The following LY86 variants were observed in gnomAD, a reference collection of about 807,000 sequenced individuals.
The protein encoded by LY86 is MD-1, RP105-associated.
LY86 carries 20 observed loss-of-function variants against 17.3 expected under a neutral mutation model. That is an observed-to-expected ratio of 1.15 (90% CI 0.81 to 1.68). The LOEUF (loss-of-function observed/expected upper bound fraction) is 1.68, where lower values mean the gene tolerates loss of function less well. Among genes scored for constraint, LY86 ranks in the 40% most tolerant of loss-of-function variants. LY86 has a pLI of 0.00. For missense variants in LY86, 200 were observed against 191.9 expected (o/e 1.04, Z -0.25); for synonymous variants, 74 against 70.6 (o/e 1.05, Z -0.24).
Position 6,626,535 on chromosome 6 carries a change from G to A in LY86, c.352+114G>A, listed in dbSNP as rs1383414265. ...GCTCTGTCTCTGCCCCTCGCCTTTG[G>A]ACGAGCTTATCCTCACTTATCAGCA... On this transcript the variant is annotated intron_variant, in intron 3 of 4. Coordinates refer to ENST00000230568, the MANE Select transcript of LY86 (RefSeq NM_004271.4). The A allele has an allele frequency of 1.6e-5, 19 of 1,200,604 alleles. No individual in the cohort carries two copies. In the East Asian group the frequency reaches 4.2e-4, roughly 27 times the overall value. 74.4% of individuals were successfully genotyped at this position (1,200,604 alleles called of 1,614,324 possible). A position where few individuals can be genotyped will look rare whatever the true frequency, so the allele number is the denominator to read the frequency against.
chr6:6,595,156 G>T (rs1457580486), intron 1 of LY86, among the ~76,000 whole-genome samples: 1 of 145,128 alleles, frequency 6.9e-6, no homozygotes, highest in South Asian at 2.1e-4. Flanking sequence ...GAGAGGAGGA[G>T]AGAAAAGAGC....
intron 1 of LY86, among the ~76,000 whole-genome samples, chr6:6,606,755 C>G (rs931776434): frequency 2.4e-4 from 37 of 152,348 alleles, no homozygotes; most frequent in African/African-American, 8.4e-4. Context: ...ACCCGGAACT[C>G]GCGCTGGCCC....
At position 6,626,433 on chromosome 6, in the gene LY86, G is replaced by A. The variant is rs754525851; in HGVS notation, c.352+12G>A. 7 of 1,613,040 alleles carry A rather than the reference G, an allele frequency of 4.3e-6. No homozygotes were observed. The highest frequency in any genetic ancestry group is 2.7e-5 in the African/African-American group (2 of 74,922). ...AAGAAGGAAAGGAGGTAAGCCATCT[G>A]TCTTGCTCACTGCTGGCAGGGGCCT... On this transcript the variant is annotated intron_variant, in intron 3 of 4. Coordinates refer to ENST00000230568, the MANE Select transcript of LY86 (RefSeq NM_004271.4).
chr6:6,649,237 A>G (rs1433851549), intron 3 of LY86, among the ~76,000 whole-genome samples: 1 of 152,252 alleles, frequency 6.6e-6, no homozygotes, highest in Non-Finnish European at 1.5e-5. Flanking sequence ...CATCACAGGT[A>G]AAATCCACCC....
At chr6:6,639,853 CAT>C (rs1261525617) in intron 3 of LY86, among the ~76,000 whole-genome samples, 1 of 152,166 alleles carries the variant, frequency 6.6e-6, no homozygotes, top group Non-Finnish European at 1.5e-5. Flanking sequence ...GGAAAACCAG[CAT>C]GCCTTGCTGA....
intron 1 of LY86, among the ~76,000 whole-genome samples, chr6:6,613,177 C>T (rs376711799): frequency 4.6e-5 from 7 of 152,232 alleles, no homozygotes; most frequent in Non-Finnish European, 7.3e-5. Context: ...AAAGATTCTC[C>T]AAGTTCCCAC....
chr6:6,613,551 C>T (rs1164752363), intron 1 of LY86, among the ~76,000 whole-genome samples: 3 of 152,098 alleles, frequency 2.0e-5, no homozygotes, highest in Non-Finnish European at 4.4e-5. Flanking sequence ...GTGCGGGGCC[C>T]GCCGATCCCA....
intron 1 of LY86, among the ~76,000 whole-genome samples, chr6:6,603,401 T>C (rs1760975830): frequency 1.3e-5 from 2 of 151,850 alleles, no homozygotes; most frequent in South Asian, 4.2e-4. Flanking sequence ...GGAAACTGTA[T>C]GGGCAGTCTT....
chr6:6,628,263 C>T (rs1017419217), intron 3 of LY86, among the ~76,000 whole-genome samples: 3 of 140,716 alleles, frequency 2.1e-5, no homozygotes, highest in Non-Finnish European at 4.6e-5. Context: ...TCCCTCCCTC[C>T]CCTTCCTCCT....
At chr6:6,600,266 C>T (rs1581231905) in intron 1 of LY86, among the ~76,000 whole-genome samples, 1 of 152,246 alleles carries the variant, frequency 6.6e-6, no homozygotes, top group East Asian at 1.9e-4. Context: ...TTAGTAAACA[C>T]ATAACCATGA....
intron 1 of LY86, among the ~76,000 whole-genome samples, chr6:6,603,436 C>G (rs1760976993): frequency 6.6e-6 from 1 of 151,434 alleles, no homozygotes; most frequent in Admixed American, 6.6e-5. Context: ...AAACTTCTGT[C>G]ATAAAAAAAC....
chr6:6,600,587 C>CAAAAAAAAAAAAAAAAAAAAAAAAAA (rs59560744), intron 1 of LY86, among the ~76,000 whole-genome samples: 2 of 82,450 alleles, frequency 2.4e-5, no homozygotes, highest in Non-Finnish European at 4.5e-5. Flanking sequence ...GAGACTCCAT[C>CAAAAAAAAAAAAAAAAAAAAAAAAAA]AAAAAAAAAA....
At chr6:6,647,275 C>A (rs955046135) in intron 3 of LY86, among the ~76,000 whole-genome samples, 3 of 152,068 alleles carry the variant, frequency 2.0e-5, no homozygotes, top group Admixed American at 6.6e-5. Flanking sequence ...TCAGTTATTC[C>A]CTCTTCTGCA....
chr6:6,616,885 A>ATC, intron 1 of LY86, among the ~76,000 whole-genome samples: 1 of 152,222 alleles, frequency 6.6e-6, no homozygotes, highest in African/African-American at 2.4e-5. Flanking sequence ...ACAAATGCGT[A>ATC]AGAACCGCAG....
At position 6,649,660 on chromosome 6, in the gene LY86, G is replaced by A; in HGVS notation, c.388G>A (p.Glu130Lys). 6.4e-7 allele frequency: 1 copy of A among 1,572,910 alleles called. No individual in the cohort carries two copies. The highest frequency in any genetic ancestry group is 8.7e-7 in the Non-Finnish European group (1 of 1,147,394). Reference protein sequence around the residue: ...IYYAGPVNNPEFTIPQGEYQV... With the variant: ...IYYAGPVNNPKFTIPQGEYQV... ...CTATGCTGGGCCTGTCAATAATCCT[G>A]AATTTACTATTCCTCAGGTAAGATA... is the stretch of plus-strand genomic sequence containing the variant. The change falls in exon 4 of 5, where the codon GAA becomes AAA. Residue 130 changes from glutamate to lysine, a missense_variant. By Grantham distance (56) the Glu-to-Lys change is moderately conservative. Coordinates refer to ENST00000230568, the MANE Select transcript of LY86 (RefSeq NM_004271.4).
At position 6,627,691 on chromosome 6, in the gene LY86, C is replaced by T. The variant is rs991916152; in HGVS notation, c.352+1270C>T. ...CACACGCAGAGCAAAATGCCTAACA[C>T]GATTGAGCATTCGTACCAGGCCCTG... On this transcript the variant is annotated intron_variant, in intron 3 of 4. Coordinates refer to ENST00000230568, the MANE Select transcript of LY86 (RefSeq NM_004271.4). Among the ~76,000 whole-genome samples the T allele has an allele frequency of 5.3e-5, 8 of 152,180 alleles. No individual in the cohort carries two copies. In the East Asian group the frequency reaches 5.8e-4, roughly 11 times the overall value.
At chr6:6,643,053 C>G (rs1402605316) in intron 3 of LY86, among the ~76,000 whole-genome samples, 1 of 152,264 alleles carries the variant, frequency 6.6e-6, no homozygotes, top group African/African-American at 2.4e-5. Context: ...CAGGTTGACA[C>G]TGCCTCCCTG....
intron 3 of LY86, among the ~76,000 whole-genome samples, chr6:6,639,545 C>A (rs1762008862): frequency 6.6e-6 from 1 of 152,340 alleles, no homozygotes; most frequent in Admixed American, 6.5e-5. Flanking sequence ...GGAAAGCCGG[C>A]TTTCTCGCCT....
intron 3 of LY86, among the ~76,000 whole-genome samples, chr6:6,647,282 T>G (rs573601422): frequency 1.3e-5 from 2 of 152,344 alleles, no homozygotes; most frequent in East Asian, 3.9e-4. Flanking sequence ...TTCCCTCTTC[T>G]GCATCTTCAA....
Sources: gnomAD v4.1 joint callset for allele counts (sites outside exome capture counted in the v4.1 genomes callset) on GRCh38, gnomAD v4.1.1 for gene constraint, MANE v1.5 for transcripts, NCBI Gene and HGNC (gene_info 2026-07-23, HGNC 2026-07-21) for gene names.